Variants in PPFIA4 observed in about 807,000 individuals in gnomAD.
PPFIA4 encodes the protein PPFI scaffold protein A4, also known as liprin-alpha-4.
In PPFIA4, 98 loss-of-function variants were observed where a neutral mutation model predicts 145.7. The observed-to-expected ratio is 0.67, with a 90% CI of 0.57 to 0.80. PPFIA4 has a LOEUF of 0.80. Among genes scored for constraint, PPFIA4 ranks in the 30% least tolerant of loss-of-function variants. PPFIA4 has a pLI of 0.00. For missense variants in PPFIA4, 1,457 were observed against 1,632.7 expected, an observed-to-expected ratio of 0.89 and a Z score of 1.85; for synonymous variants, 628 against 649.6, an observed-to-expected ratio of 0.97 and a Z score of 0.51.
At chr1:203,049,875 C>T (rs1660372793) in intron 13 of PPFIA4, 108 bp downstream of exon 13, 10 of 997,410 alleles carry the variant, frequency 1.0e-5, no homozygotes, top group Non-Finnish European at 1.4e-5. Flanking sequence ...GGTCCTCCTC[C>T]TGTTCAGGGT....
In PPFIA4 at chr1:203,045,393, T is replaced by C. The variant is rs758543669; in HGVS notation, c.692T>C (p.Leu231Pro). The change falls in exon 7 of 30, where the codon CTG becomes CCG. Residue 231 changes from leucine (L) to proline (P), a missense_variant. Around this residue, in one of 3 missense-constraint regions of PPFIA4, gnomAD observed 463 missense variants for 459.8 expected, o/e 1.01. Transcript: ENST00000295706. ...GAGGATACGGGCCGGGTAGAGGAGC[T>C]GCAGGAGCTCCTGGAGAAGCAGAAC... ...WKEDTGRVEE[L>P]QELLEKQNFE... 1 of 1,606,092 alleles carries C rather than the reference T, an allele frequency of 6.2e-7. No individual in the cohort carries two copies.
Position 203,060,824 on chromosome 1 carries a change from A to G in PPFIA4, c.2785-146A>G. 1 of 718,714 alleles carries G rather than the reference A, an allele frequency of 1.4e-6. No homozygotes were observed. The highest frequency in any genetic ancestry group is 2.4e-6 in the Non-Finnish European group (1 of 412,264). The allele number at this position is 718,714 out of a possible 1,614,324, so 44.5% of individuals were successfully genotyped here. A position where few individuals can be genotyped will look rare whatever the true frequency, so the allele number is the denominator to read the frequency against. ...GTGGGCCCCTGGGGTGGAGTCTTTC[A>G]TTGTCGGCCATCTCCATGATTGAGA... On this transcript the variant is annotated intron_variant, in intron 22 of 29. Transcript: ENST00000295706. The surrounding 1 kb of genome is among the most constrained non-coding windows in gnomAD (Gnocchi z 4.8).
chr1:203,044,586 CCT>C (rs758601396), intron 5 of PPFIA4, 108 bp from the exon 6 acceptor site: 12 of 1,398,550 alleles, frequency 8.6e-6, no homozygotes, highest in Non-Finnish European at 1.2e-5. Context: ...AGGCTGAGCA[CCT>C]CTTTCTAGGA....
rs1441888976 is a variant in PPFIA4, at chr1:203,056,806, A to C, written c.2263A>C (p.Asn755His). Residue 755 changes from asparagine (N) to histidine (H), a missense_variant, in exon 19 of 30, where the codon AAC becomes CAC. Transcript: ENST00000295706. ...GKSALEDQGS[N>H]PSSSNSSQDS... ...TAGTGCCTTGGAGGATCAGGGCAGC[A>C]ACCCCAGCAGCAGCAACAGCAGCCA... 1.2e-6 allele frequency: 2 copies of C among 1,612,694 alleles called. No homozygotes were observed. Among genetic ancestry groups the C allele is most frequent in the South Asian group, 2.2e-5 (2 of 90,912 alleles).
intron 18 of PPFIA4, 63 bp from the exon 19 acceptor site, chr1:203,056,721 T>C (rs984808097): frequency 7.1e-7 from 1 of 1,414,368 alleles, no homozygotes; most frequent in African/African-American, 1.4e-5. Context: ...AACTTCCATC[T>C]TTCCTGCTGT....
At chr1:203,049,448 C>T (rs748775122) in intron 12 of PPFIA4, among the ~76,000 whole-genome samples, 1 of 152,234 alleles carries the variant, frequency 6.6e-6, no homozygotes, top group African/African-American at 2.4e-5. Context: ...GACAGACCCC[C>T]TCCTGGCCCT....
At chr1:203,074,330 C>T (rs73073864) in intron 28 of PPFIA4, among the ~76,000 whole-genome samples, 3,893 of 152,132 alleles carry the variant, frequency 0.026, 174 homozygotes, top group African/African-American at 0.089. Context: ...CAGCTTGTTA[C>T]TGTATTGAAT....
Position 203,049,678 on chromosome 1 carries a change from C to A in PPFIA4, c.1422C>A (p.Gly474=). ...RQIEEQHHHK[G]RLSEEIEKLR... The stretch of plus-strand genomic sequence containing the variant: ...CCACCCCGGGTCTGCTGGCACAGGG[C>A]CGCCTGTCTGAAGAGATTGAGAAGC... Residue 474 remains glycine, a splice_region_variant and synonymous_variant, in exon 13 of 30, where the codon GGC becomes GGA. Coordinates refer to ENST00000295706, the MANE Select transcript of PPFIA4 (RefSeq NM_001304331.2). 2 of 1,543,442 alleles carry A rather than the reference C, an allele frequency of 1.3e-6. No individual in the cohort carries two copies. Among genetic ancestry groups the A allele is most frequent in the Non-Finnish European group, 8.7e-7 (1 of 1,143,820 alleles).
intron 25 of PPFIA4, among the ~76,000 whole-genome samples, chr1:203,065,930 G>A (rs1661702758): frequency 6.6e-6 from 1 of 152,142 alleles, no homozygotes; most frequent in African/African-American, 2.4e-5. Flanking sequence ...GGTAGGACAA[G>A]CATGCATGAT....
chr1:203,035,501 C>CA (rs1659177002), intron 1 of PPFIA4: 2 of 445,660 alleles, frequency 4.5e-6, no homozygotes, highest in Non-Finnish European at 9.1e-6. Context: ...AATCCCCCAC[C>CA]CCCACACACG....
At position 203,063,611 on chromosome 1, in the gene PPFIA4, C is replaced by T. The variant is rs572176483; in HGVS notation, c.2875-217C>T. 1.5e-4 allele frequency: 78 copies of T among 516,112 alleles called. No individual in the cohort carries two copies. The Admixed American group carries it at 1.6e-3, about 10-fold the overall frequency. 32.0% of individuals were successfully genotyped at this position (516,112 alleles called of 1,614,324 possible). A position where few individuals can be genotyped will look rare whatever the true frequency, so the allele number is the denominator to read the frequency against. ...TAGATAATTGATATGTGAGTGGAAC[C>T]GTATCATTTCGAGATCTTAAAAAGT... is the stretch of plus-strand genomic sequence containing the variant. On this transcript the variant is annotated intron_variant, in intron 24 of 29. Coordinates refer to ENST00000295706, the MANE Select transcript of PPFIA4 (RefSeq NM_001304331.2).
intron 1 of PPFIA4, among the ~76,000 whole-genome samples, chr1:203,036,601 G>A (rs1374409472): frequency 1.3e-5 from 2 of 152,188 alleles, no homozygotes; most frequent in African/African-American, 4.8e-5. Flanking sequence ...GAGCTTGGGG[G>A]GGTAGGCTGG....
chr1:203,054,115 A>G, intron 15 of PPFIA4, 154 bp downstream of exon 15: 2 of 830,384 alleles, frequency 2.4e-6, no homozygotes, highest in Non-Finnish European at 4.0e-6. Flanking sequence ...GCCCGCTGCC[A>G]GTGCCGGAGT....
intron 2 of PPFIA4, among the ~76,000 whole-genome samples, chr1:203,040,420 G>A (rs774280247): frequency 1.1e-4 from 16 of 152,238 alleles, no homozygotes; most frequent in Non-Finnish European, 2.2e-4. Context: ...CTGGGCCTGA[G>A]TGGGTGAGTT....
chr1:203,076,583 A>T lies in PPFIA4; in HGVS notation c.*193A>T. 2 of 608,710 alleles carry T rather than the reference A, an allele frequency of 3.3e-6. No individual in the cohort carries two copies. Among genetic ancestry groups the T allele is most frequent in the Non-Finnish European group, 5.8e-6 (2 of 343,796 alleles). 37.7% of individuals were successfully genotyped at this position (608,710 alleles called of 1,614,324 possible). ...CCGAGTCCCACCGTGTGTCCGTTGT[A>T]AGTCCGGTGGATGTGGCTGGGGTTT... On this transcript the variant is annotated 3_prime_UTR_variant, in exon 30 of 30. Coordinates refer to ENST00000295706, the MANE Select transcript of PPFIA4 (RefSeq NM_001304331.2).
chr1:203,035,160 G>A (rs943295615), intron 1 of PPFIA4: 7 of 387,276 alleles, frequency 1.8e-5, no homozygotes, highest in East Asian at 7.5e-5. Context: ...GTGGGTGTCC[G>A]ACCCTCCTGT....
Position 203,075,672 on chromosome 1 carries a change from G to C in PPFIA4, c.3489G>C (p.Ala1163=), listed in dbSNP as rs368229547. The change falls in exon 29 of 30, where the codon GCG becomes GCC. Residue 1163 remains alanine (A), a synonymous_variant. Transcript: ENST00000295706. The surrounding 1 kb of genome is among the most constrained non-coding windows in gnomAD (Gnocchi z 4.1). ...HGRGGMLSAS[A]ETLPAGFRVS... is the part of the protein sequence containing the mutation. ...GCGGCGGCATGCTCAGCGCTTCCGCGGAGACCCTCCCGGCGGGCTTCCGTG... is the reference window on the plus strand; with the variant it reads ...GCGGCGGCATGCTCAGCGCTTCCGCCGAGACCCTCCCGGCGGGCTTCCGTG... 2 of 1,502,972 alleles carry C rather than the reference G, an allele frequency of 1.3e-6. No homozygotes were observed. The allele number at this position is 1,502,972 out of a possible 1,614,324, so 93.1% of individuals were successfully genotyped here. A position where few individuals can be genotyped will look rare whatever the true frequency, so the allele number is the denominator to read the frequency against.
At chr1:203,069,371 T>G (rs926832832) in intron 27 of PPFIA4, among the ~76,000 whole-genome samples, 2 of 152,178 alleles carry the variant, frequency 1.3e-5, no homozygotes, top group Admixed American at 6.5e-5. Flanking sequence ...AGGAACTACC[T>G]CCTCTTGATG....
chr1:203,039,181 T>C lies in PPFIA4; in HGVS notation c.173T>C (p.Leu58Pro). 2 of 1,607,540 alleles carry C rather than the reference T, an allele frequency of 1.2e-6. No individual in the cohort carries two copies. The highest frequency in any genetic ancestry group is 1.7e-6 in the Non-Finnish European group (2 of 1,177,492). ...ACCTTGGCGGCCACACAGAGCCGGC[T>C]CCAGGATGCCATACACGAGCGGGAC... ...QETLAATQSR[L>P]QDAIHERDQL... is the part of the protein sequence containing the mutation. The change falls in exon 2 of 30, where the codon CTC becomes CCC. Residue 58 changes from leucine to proline, a missense_variant. Physicochemically the swap from Leu to Pro is moderately conservative, Grantham distance 98. This residue lies in a region of PPFIA4 where 463 missense variants were observed against 459.8 expected (regional missense o/e 1.01). Transcript: ENST00000295706.
Sources: gnomAD v4.1 joint callset for allele counts (sites outside exome capture counted in the v4.1 genomes callset) on GRCh38, gnomAD v4.1.1 for gene constraint, gnomAD v4.1.1 regional missense constraint, Gnocchi (gnomAD v3.1) non-coding constraint, MANE v1.5 for transcripts, NCBI Gene and HGNC (gene_info 2026-07-23, HGNC 2026-07-21) for gene names.